PPP1R9A: variants seen among roughly 807,000 people sequenced by gnomAD.
PPP1R9A encodes neurabin-1.
In PPP1R9A, 59 loss-of-function variants were observed where a neutral mutation model predicts 141.9. That is an observed-to-expected ratio of 0.42 (90% confidence interval 0.34 to 0.52). The LOEUF (loss-of-function observed/expected upper bound fraction) is 0.52, where lower values mean the gene tolerates loss of function less well. PPP1R9A is among the 20% of genes least tolerant of loss of function. The pLI is 0.10. For missense variants in PPP1R9A, 1,444 were observed against 1,611.9 expected (o/e 0.90, Z 1.78); for synonymous variants, 500 against 569.7 (o/e 0.88, Z 1.74).
chr7:94,924,580 G>A (rs1793228856), intron 2 of PPP1R9A, among the ~76,000 whole-genome samples: 2 of 152,150 alleles, frequency 1.3e-5, no homozygotes, highest in African/African-American at 2.4e-5. Flanking sequence ...CCAGGCTGGA[G>A]TGCTGTGGTG....
At position 95,226,020 on chromosome 7, in the gene PPP1R9A, C is replaced by T. The variant is rs373883832; in HGVS notation, c.2016C>T (p.Ser672=). 8.9e-5 allele frequency: 143 copies of T among 1,613,406 alleles called. No individual in the cohort carries two copies. Among genetic ancestry groups the T allele is most frequent in the Middle Eastern group, 1.7e-4 (1 of 6,054 alleles). The change falls in exon 8 of 20, where the codon AGC becomes AGT. Residue 672 remains serine, a synonymous_variant. Coordinates refer to ENST00000433360, the MANE Select transcript of PPP1R9A (RefSeq NM_001166160.2). ...EDEVGPVLPG[S]DMAIEVFELP... Reference sequence around the variant, plus strand: ...AGGTAGGACCTGTCCTTCCTGGCAGCGACATGGCCATTGAAGTCTTTGAGC... The same window carrying T: ...AGGTAGGACCTGTCCTTCCTGGCAGTGACATGGCCATTGAAGTCTTTGAGC...
chr7:95,044,795 A>T (rs1809771633), intron 2 of PPP1R9A, among the ~76,000 whole-genome samples: 1 of 150,818 alleles, frequency 6.6e-6, no homozygotes, highest in Admixed American at 6.6e-5. Context: ...CTGGTCTGGA[A>T]TGCCTGCGCT....
chr7:94,920,800 C>G (rs529040132), intron 2 of PPP1R9A, among the ~76,000 whole-genome samples: 5 of 152,132 alleles, frequency 3.3e-5, no homozygotes. Flanking sequence ...GAGAATCTTG[C>G]GGATTAGGTC....
intron 8 of PPP1R9A, 25 bp from the exon 9 acceptor site, chr7:95,247,448 T>C (rs780949862): frequency 6.3e-7 from 1 of 1,579,704 alleles, no homozygotes; most frequent in South Asian, 1.1e-5. Flanking sequence ...TTAGTTCAGA[T>C]TTTTTCTTTC....
intron 2 of PPP1R9A, among the ~76,000 whole-genome samples, chr7:95,050,821 G>A (rs1483177156): frequency 6.6e-6 from 1 of 152,116 alleles, no homozygotes; most frequent in East Asian, 1.9e-4. Context: ...TTATAAGTAG[G>A]TAAGGATATA....
chr7:95,214,677 C>A (rs1443641045), intron 7 of PPP1R9A, among the ~76,000 whole-genome samples: 4 of 151,992 alleles, frequency 2.6e-5, no homozygotes, highest in Admixed American at 2.0e-4. Flanking sequence ...GAGTCTGCCT[C>A]CTATAGTAGG....
intron 8 of PPP1R9A, among the ~76,000 whole-genome samples, chr7:95,231,149 G>T (rs1191792858): frequency 6.6e-6 from 1 of 152,066 alleles, no homozygotes; most frequent in African/African-American, 2.4e-5. Context: ...GTTAAAAAAA[G>T]ACAAAGAGAG....
chr7:94,918,542 G>A (rs1792371193), intron 2 of PPP1R9A, among the ~76,000 whole-genome samples: 2 of 151,952 alleles, frequency 1.3e-5, no homozygotes, highest in Non-Finnish European at 2.9e-5. Flanking sequence ...CAATTCAGTG[G>A]TTTTTAGTAT....
chr7:95,072,910 AATATATATTATATATTGC>A (rs1409411548), intron 2 of PPP1R9A, among the ~76,000 whole-genome samples: 46 of 123,336 alleles, frequency 3.7e-4, no homozygotes, highest in African/African-American at 1.2e-3. Context: ...ATATATGTGC[AATATATATTATATATTGC>A]ATATATATTA....
intron 4 of PPP1R9A, among the ~76,000 whole-genome samples, chr7:95,127,990 T>A (rs1381732776): frequency 6.6e-6 from 1 of 152,228 alleles, no homozygotes; most frequent in Non-Finnish European, 1.5e-5. Context: ...TGTAAGTGCA[T>A]GTGTCTTTCT....
rs772043430 is a variant in PPP1R9A at position 95,288,587 on chromosome 7, G to A, written c.3781G>A (p.Val1261Ile). 3.6e-5 allele frequency: 58 copies of A among 1,613,962 alleles called. No homozygotes were observed. The highest frequency in any genetic ancestry group is 4.7e-5 in the Non-Finnish European group (55 of 1,180,012). The change falls in exon 19 of 20, where the codon GTT becomes ATT. Residue 1261 changes from valine (V) to isoleucine (I), a missense_variant. Transcript: ENST00000433360. ...ACACAGTCAGTGTCAGAATCGGGCC[G>A]TTCAGGAATGGAGTGTGCAGCAGGT... ...PKHSQCQNRAVQEWSVQQVSH... is the reference protein window; with the variant it reads ...PKHSQCQNRAIQEWSVQQVSH...
At chr7:95,090,815 GAAA>G (rs1291599085) in intron 2 of PPP1R9A, among the ~76,000 whole-genome samples, 2 of 151,562 alleles carry the variant, frequency 1.3e-5, no homozygotes, top group African/African-American at 4.9e-5. Flanking sequence ...CTCAAAAAAA[GAAA>G]AAGAAAAAAA....
rs893185110 is a variant in PPP1R9A at position 95,080,092 on chromosome 7, A to G, written c.1396-31167A>G. On this transcript the variant is annotated intron_variant, in intron 2 of 19. Coordinates refer to ENST00000433360, the MANE Select transcript of PPP1R9A (RefSeq NM_001166160.2). The stretch of plus-strand genomic sequence containing the variant: ...AGTGTTGGAAGTTCTGGCCAGGGCA[A>G]TTAGGCAGGAGAAGGAAATAAAGGG... Among the ~76,000 whole-genome samples, 32 of 152,286 alleles carry G rather than the reference A, an allele frequency of 2.1e-4. 1 individual carries two copies. The highest frequency in any genetic ancestry group is 6.5e-4 in the African/African-American group (27 of 41,558).
At chr7:95,153,241 AG>A (rs907607786) in intron 4 of PPP1R9A, among the ~76,000 whole-genome samples, 3 of 152,194 alleles carry the variant, frequency 2.0e-5, no homozygotes, top group Non-Finnish European at 4.4e-5. Context: ...TAACATTTTA[AG>A]GTAAGAAGTA....
intron 2 of PPP1R9A, among the ~76,000 whole-genome samples, chr7:94,966,090 G>A (rs1798180694): frequency 6.7e-6 from 1 of 148,612 alleles, no homozygotes; most frequent in Non-Finnish European, 1.5e-5. Flanking sequence ...AATTGTGAAT[G>A]TGAGTTCACG....
intron 4 of PPP1R9A, among the ~76,000 whole-genome samples, chr7:95,157,449 T>TCTGCAGCTGCAATTTGGGCAG (rs1337743744): frequency 6.6e-6 from 1 of 152,068 alleles, no homozygotes; most frequent in African/African-American, 2.4e-5. Flanking sequence ...GAGGCCCAGG[T>TCTGCAGCTGCAATTTGGGCAG]CTGCAGCTGC....
intron 2 of PPP1R9A, among the ~76,000 whole-genome samples, chr7:95,004,428 A>C (rs184314902): frequency 6.6e-6 from 1 of 152,168 alleles, no homozygotes; most frequent in African/African-American, 2.4e-5. Context: ...AAATCTTTAA[A>C]GAAAGCTTAC....
intron 6 of PPP1R9A, among the ~76,000 whole-genome samples, chr7:95,199,196 C>G (rs1788981870): frequency 6.6e-6 from 1 of 152,152 alleles, no homozygotes; most frequent in Non-Finnish European, 1.5e-5. Flanking sequence ...TTTCTAATGT[C>G]TTTGAAATGT....
chr7:95,281,761 G>A (rs531537930), intron 16 of PPP1R9A, among the ~76,000 whole-genome samples: 1 of 152,202 alleles, frequency 6.6e-6, no homozygotes, highest in South Asian at 2.1e-4. Context: ...CTGTTCACTG[G>A]GAGTAGGACA....
Sources: gnomAD v4.1 joint callset for allele counts (sites outside exome capture counted in the v4.1 genomes callset) on GRCh38, gnomAD v4.1.1 for gene constraint, MANE v1.5 for transcripts, NCBI Gene and HGNC (gene_info 2026-07-23, HGNC 2026-07-21) for gene names.